The following ALCAM variants were observed in gnomAD, a reference collection of about 807,000 sequenced individuals.
The protein encoded by ALCAM is activated leukocyte cell adhesion molecule.
A neutral mutation model predicts 70.9 loss-of-function variants in ALCAM; 30 were observed. The ratio of observed to expected loss-of-function variants is 0.42; its 90% CI spans 0.32 to 0.57. ALCAM has a LOEUF of 0.57. ALCAM is among the 20% of genes least tolerant of loss of function. The pLI is 0.11. For missense variants in ALCAM, 591 were observed against 695.1 expected (o/e 0.85, Z 1.68); for synonymous variants, 249 against 242.5 (o/e 1.03, Z -0.25).
At chr3:105,456,683 G>A (rs968793474) in intron 1 of ALCAM, among the ~76,000 whole-genome samples, 1 of 152,084 alleles carries the variant, frequency 6.6e-6, no homozygotes, top group Non-Finnish European at 1.5e-5. Context: ...ATAGATAGAT[G>A]TTTTTGGCTA....
At chr3:105,454,379 A>T (rs1427340837) in intron 1 of ALCAM, among the ~76,000 whole-genome samples, 1 of 152,212 alleles carries the variant, frequency 6.6e-6, no homozygotes, top group African/African-American at 2.4e-5. Flanking sequence ...GTACAAGTGT[A>T]CAGATGGCCT....
At chr3:105,374,332 G>GATCA (rs929307550) in intron 1 of ALCAM, among the ~76,000 whole-genome samples, 4 of 151,986 alleles carry the variant, frequency 2.6e-5, no homozygotes, top group African/African-American at 9.7e-5. Flanking sequence ...GAGGCGGGCG[G>GATCA]ATCACCTGAG....
chr3:105,547,703 C>T lies in ALCAM; in HGVS notation c.1374+180C>T, dbSNP rs183238635. ...AAGCTTTTGCTAACTTCTTAATTTTCCTAGAGGAAGAACATGGCTCAAAGA... is the reference window on the plus strand; with the variant it reads ...AAGCTTTTGCTAACTTCTTAATTTTTCTAGAGGAAGAACATGGCTCAAAGA... On this transcript the variant is annotated intron_variant, in intron 11 of 15. Coordinates refer to ENST00000306107, the MANE Select transcript of ALCAM (RefSeq NM_001627.4). 1.6e-3 allele frequency among the ~76,000 whole-genome samples: 245 copies of T among 151,422 alleles called. 2 individuals carry two copies. Among genetic ancestry groups the T allele is most frequent in the African/African-American group, 5.2e-3 (215 of 41,424 alleles).
chr3:105,474,496 C>G (rs1331479555), intron 1 of ALCAM, among the ~76,000 whole-genome samples: 3 of 151,282 alleles, frequency 2.0e-5, no homozygotes, highest in Non-Finnish European at 4.4e-5. Context: ...AGAGATTTAC[C>G]GTAACCTTAT....
intron 1 of ALCAM, among the ~76,000 whole-genome samples, chr3:105,418,700 G>A (rs1259148768): frequency 2.6e-5 from 4 of 151,650 alleles, no homozygotes; most frequent in African/African-American, 9.7e-5. Flanking sequence ...TACATCAGAA[G>A]ACTATGACCA....
chr3:105,465,213 G>A (rs1325678592), intron 1 of ALCAM, among the ~76,000 whole-genome samples: 2 of 151,444 alleles, frequency 1.3e-5, no homozygotes, highest in African/African-American at 2.4e-5. Context: ...GAGTAGCAAC[G>A]ATGTGATTTT....
At chr3:105,574,448 T>G (rs1212397781) in intron 15 of ALCAM, 29 bp from the exon 16 acceptor site, 1 of 148,656 alleles carries the variant, frequency 6.7e-6, no homozygotes, top group African/African-American at 2.5e-5. Context: ...CTTTGGAAGC[T>G]TATCTAAATT....
intron 1 of ALCAM, among the ~76,000 whole-genome samples, chr3:105,468,996 C>CCT (rs1937834724): frequency 1.1e-5 from 1 of 88,690 alleles, no homozygotes; most frequent in South Asian, 4.1e-4. Flanking sequence ...AGAACCAGTT[C>CCT]TTTTGAACTG....
chr3:105,532,023 T>C lies in ALCAM; in HGVS notation c.416T>C (p.Ile139Thr). The C allele has an allele frequency of 6.2e-7, 1 of 1,613,400 alleles. No individual in the cohort carries two copies. Among genetic ancestry groups the C allele is most frequent in the Non-Finnish European group, 8.5e-7 (1 of 1,179,718 alleles). Residue 139 changes from isoleucine to threonine, a missense_variant, in exon 4 of 16, where the codon ATT (isoleucine) becomes ACT (threonine). By Grantham distance (89) the Ile-to-Thr change is moderately conservative. Transcript: ENST00000306107. ...KVFKQPSKPE[I>T]VSKALFLETE... ...TTAGAGCAACCATCTAAACCTGAAA[T>C]TGTAAGCAAAGCACTGTTTCTCGAA...
intron 3 of ALCAM, among the ~76,000 whole-genome samples, chr3:105,528,739 G>T (rs987782475): frequency 6.6e-6 from 1 of 152,038 alleles, no homozygotes; most frequent in African/African-American, 2.4e-5. Context: ...GAGGGAGGAG[G>T]GTAGGAAGAG....
chr3:105,537,724 A>T (rs1316628489), intron 6 of ALCAM, among the ~76,000 whole-genome samples: 1 of 152,066 alleles, frequency 6.6e-6, no homozygotes, highest in Non-Finnish European at 1.5e-5. Context: ...GGCTACCAGG[A>T]TCCCTATGCT....
At chr3:105,501,311 A>T (rs1938913772) in intron 1 of ALCAM, among the ~76,000 whole-genome samples, 1 of 152,216 alleles carries the variant, frequency 6.6e-6, no homozygotes, top group Non-Finnish European at 1.5e-5. Flanking sequence ...GAAACAGTTC[A>T]GTAATTCCTG....
At chr3:105,521,155 G>A (rs1420334395) in intron 2 of ALCAM, among the ~76,000 whole-genome samples, 6 of 150,846 alleles carry the variant, frequency 4.0e-5, no homozygotes, top group African/African-American at 1.5e-4. Context: ...CAAAAAATTA[G>A]CCGGGCGCGG....
intron 1 of ALCAM, among the ~76,000 whole-genome samples, chr3:105,389,602 C>G (rs1473313684): frequency 6.6e-6 from 1 of 150,990 alleles, no homozygotes; most frequent in African/African-American, 2.4e-5. Context: ...ATTTTAAGTT[C>G]CAGGATACAT....
intron 1 of ALCAM, among the ~76,000 whole-genome samples, chr3:105,382,459 A>T (rs1935547428): frequency 6.6e-6 from 1 of 151,996 alleles, no homozygotes; most frequent in Non-Finnish European, 1.5e-5. Context: ...ATACCCAGTA[A>T]TGGGATGGCT....
At chr3:105,522,544 T>C (rs1359544879) in intron 2 of ALCAM, among the ~76,000 whole-genome samples, 1 of 152,180 alleles carries the variant, frequency 6.6e-6, no homozygotes, top group Non-Finnish European at 1.5e-5. Context: ...GTAAACTCCC[T>C]GTGAATGGAG....
intron 14 of ALCAM, among the ~76,000 whole-genome samples, chr3:105,565,070 G>A (rs1359124501): frequency 6.6e-6 from 1 of 152,076 alleles, no homozygotes; most frequent in Admixed American, 6.5e-5. Context: ...ATGATCGCTT[G>A]AGTCCAGGAG....
At chr3:105,474,698 C>A (rs6437594) in intron 1 of ALCAM, among the ~76,000 whole-genome samples, 28,341 of 151,414 alleles carry the variant, frequency 0.19, 2,830 homozygotes, top group East Asian at 0.37. Context: ...TAAGTGAGAT[C>A]CATCTACTAC....
chr3:105,473,274 AT>A (rs961829436), intron 1 of ALCAM, among the ~76,000 whole-genome samples: 1 of 151,548 alleles, frequency 6.6e-6, no homozygotes, highest in Non-Finnish European at 1.5e-5. Flanking sequence ...CAAACAGCCC[AT>A]TTTTGGACCA....
Sources: gnomAD v4.1 joint callset for allele counts (sites outside exome capture counted in the v4.1 genomes callset) on GRCh38, gnomAD v4.1.1 for gene constraint, MANE v1.5 for transcripts, NCBI Gene and HGNC (gene_info 2026-07-23, HGNC 2026-07-21) for gene names.